BOP1: variants seen among roughly 807,000 people sequenced by gnomAD.
BOP1 encodes the protein ribosome biogenesis protein BOP1.
In BOP1, 54 loss-of-function variants were observed where a neutral mutation model predicts 82.9. That is an observed-to-expected ratio of 0.65 (90% CI 0.52 to 0.82). The LOEUF (loss-of-function observed/expected upper bound fraction) is 0.82. Ranked by LOEUF, BOP1 falls within the 40% of genes least tolerant of loss-of-function variation. BOP1 has a pLI of 0.00. For missense variants in BOP1, 1,170 were observed against 1,072.0 expected (o/e 1.09, Z -1.28); for synonymous variants, 566 against 451.1 (o/e 1.25, Z -3.23).
chr8:144,287,019 T>C (rs1400079212), intron 2 of BOP1, among the ~76,000 whole-genome samples: 1 of 152,250 alleles, frequency 6.6e-6, no homozygotes, highest in African/African-American at 2.4e-5. Context: ...AAACATTGTT[T>C]TGGTTTTTGA....
intron 3 of BOP1, chr8:144,266,493 C>T (rs1845367765): frequency 1.0e-6 from 1 of 986,486 alleles, no homozygotes; most frequent in African/African-American, 1.8e-5. Flanking sequence ...CGGCAGCTGC[C>T]ACCGCGGGGC....
At chr8:144,273,054 C>A (rs1233155350) in intron 3 of BOP1, among the ~76,000 whole-genome samples, 1 of 152,100 alleles carries the variant, frequency 6.6e-6, no homozygotes, top group Non-Finnish European at 1.5e-5. Flanking sequence ...TCTGCAGGCC[C>A]GGGCGCCCTC....
chr8:144,283,177 G>A (rs973593837), intron 2 of BOP1, among the ~76,000 whole-genome samples: 36 of 78,480 alleles, frequency 4.6e-4, no homozygotes, highest in Non-Finnish European at 4.7e-4. Flanking sequence ...CAGCCTGGGC[G>A]ATAAGAGCAA....
At chr8:144,285,367 G>A (rs1331320649) in intron 2 of BOP1, among the ~76,000 whole-genome samples, 1 of 152,102 alleles carries the variant, frequency 6.6e-6, no homozygotes, top group Non-Finnish European at 1.5e-5. Context: ...TCAGATGCAC[G>A]AGGCAGAGGC....
intron 13 of BOP1, 90 bp downstream of exon 13, chr8:144,262,763 G>A (rs1441182344): frequency 1.3e-4 from 190 of 1,420,146 alleles, no homozygotes; most frequent in Admixed American, 1.1e-3. Flanking sequence ...CCTGCAGGGT[G>A]CACTGCCCCT....
At chr8:144,264,483 C>T in intron 6 of BOP1, 32 bp downstream of exon 6, 1 of 1,608,420 alleles carries the variant, frequency 6.2e-7, no homozygotes, top group Non-Finnish European at 8.5e-7. Flanking sequence ...GGCGGTCAGC[C>T]CAGGCCAAGC....
intron 3 of BOP1, among the ~76,000 whole-genome samples, chr8:144,273,603 G>T (rs908890433): frequency 6.6e-6 from 1 of 152,248 alleles, no homozygotes; most frequent in African/African-American, 2.4e-5. Context: ...TCTCCCAACC[G>T]CTCAAATCAA....
intron 3 of BOP1, among the ~76,000 whole-genome samples, chr8:144,273,100 G>A (rs1442481817): frequency 6.6e-6 from 1 of 152,150 alleles, no homozygotes. Flanking sequence ...CGCTCGCCGG[G>A]AAACCTGAGC....
Position 144,263,741 on chromosome 8 carries a change from G to A in BOP1, c.1242C>T (p.Asp414=). 6.3e-7 allele frequency: 1 copy of A among 1,580,624 alleles called. No homozygotes were observed. Among genetic ancestry groups the A allele is most frequent in the South Asian group, 1.1e-5 (1 of 87,216 alleles). The change falls in exon 10 of 16, where the codon GAC becomes GAT. Residue 414 remains aspartate, a synonymous_variant. Transcript: ENST00000569669. ...GAGAGACACTGAGGCACCGGACAAG[G>A]TCACTGTGGCCCCTGTAGACCTGAG... The part of the protein sequence containing the change: ...CQALVYRGHS[D]LVRCLSVSPG...
rs1258899528 is a variant in BOP1, at chr8:144,291,099, G to A, written c.99+173C>T. On this transcript the variant is annotated intron_variant, in intron 1 of 15. Transcript: ENST00000569669. This position sits in a 1 kb window ranked among gnomAD's most constrained non-coding sequence, Gnocchi z 4.1. ...CTTCCCGGACGCCGTCCTTTACCCC[G>A]CAGTCCGCTCTGCCTGAGACCCCCC... 6.7e-6 allele frequency among the ~76,000 whole-genome samples: 1 copy of A among 149,006 alleles called. No homozygotes were observed. Among genetic ancestry groups the A allele is most frequent in the Admixed American group, 6.7e-5 (1 of 14,978 alleles).
chr8:144,290,017 G>A (rs565632760), intron 1 of BOP1, among the ~76,000 whole-genome samples: 1 of 152,260 alleles, frequency 6.6e-6, no homozygotes, highest in African/African-American at 2.4e-5. Flanking sequence ...CACAGTGTTC[G>A]GGTCCTTCAC....
rs1435401232 is a variant in BOP1, at chr8:144,265,088, C to T, written c.391-17G>A. On this transcript the variant is annotated splice_polypyrimidine_tract_variant and intron_variant, in intron 3 of 15. Transcript: ENST00000569669. ...CCGGATGTCCTGCAGCCGGGGGCCACCATGTCGGCATCTGATCCTACAAGG... is the reference window on the plus strand; with the variant it reads ...CCGGATGTCCTGCAGCCGGGGGCCATCATGTCGGCATCTGATCCTACAAGG... The T allele has an allele frequency of 5.0e-6, 8 of 1,602,654 alleles. No homozygotes were observed. The Admixed American group carries it at 1.3e-4, about 27-fold the overall frequency.
At chr8:144,267,988 G>C in intron 3 of BOP1, 2 of 1,468,688 alleles carry the variant, frequency 1.4e-6, no homozygotes, top group Non-Finnish European at 1.9e-6. Context: ...GGGGAGAGCC[G>C]GGAAGGAGGT....
At chr8:144,265,250 C>A (rs1160326543) in intron 3 of BOP1, 179 bp from the exon 4 acceptor site, 3 of 716,458 alleles carry the variant, frequency 4.2e-6, no homozygotes, top group Non-Finnish European at 4.5e-6. Flanking sequence ...CGTGGCATGG[C>A]GGCCACGCTG....
chr8:144,283,201 C>CAAAA (rs60868806), intron 2 of BOP1, among the ~76,000 whole-genome samples: 853 of 53,828 alleles, frequency 0.016, 15 homozygotes, highest in African/African-American at 0.055. Context: ...AACTCCATCT[C>CAAAA]AAAAAAAAAA....
intron 3 of BOP1, among the ~76,000 whole-genome samples, chr8:144,274,517 C>T (rs966639286): frequency 1.1e-4 from 17 of 152,368 alleles, no homozygotes; most frequent in South Asian, 4.1e-4. Context: ...CTTCTCTGGA[C>T]GGGAGGCATC....
chr8:144,278,442 C>G (rs150411342), intron 2 of BOP1, among the ~76,000 whole-genome samples: 275 of 152,350 alleles, frequency 1.8e-3, no homozygotes, highest in Non-Finnish European at 2.6e-3. Flanking sequence ...CCTCCCCTCC[C>G]CAGCATCAGG....
At chr8:144,275,046 G>A (rs1388351222) in intron 3 of BOP1, among the ~76,000 whole-genome samples, 4 of 152,010 alleles carry the variant, frequency 2.6e-5, no homozygotes, top group East Asian at 3.9e-4. Flanking sequence ...AGACCGGATC[G>A]GGCGGGCGGC....
intron 2 of BOP1, among the ~76,000 whole-genome samples, chr8:144,286,380 CGCGG>C (rs1814868884): frequency 4.0e-5 from 5 of 124,406 alleles, no homozygotes; most frequent in Non-Finnish European, 8.7e-5. Context: ...GCACAGGACA[CGCGG>C]GCAGGTGCAT....
Sources: gnomAD v4.1 joint callset for allele counts (sites outside exome capture counted in the v4.1 genomes callset) on GRCh38, gnomAD v4.1.1 for gene constraint, Gnocchi (gnomAD v3.1) non-coding constraint, MANE v1.5 for transcripts, NCBI Gene and HGNC (gene_info 2026-07-23, HGNC 2026-07-21) for gene names.